The following PPFIA2 variants were observed in gnomAD, a reference collection of about 807,000 sequenced individuals.
PPFIA2 encodes the protein PPFI scaffold protein A2, also known as liprin-alpha-2.
PPFIA2 carries 46 observed loss-of-function variants against 175.5 expected under a neutral mutation model. The ratio of observed to expected loss-of-function variants is 0.26; its 90% CI spans 0.21 to 0.34. The LOEUF is 0.34. Among genes scored for constraint, PPFIA2 ranks in the 10% least tolerant of loss-of-function variants. PPFIA2 has a pLI of 1.00. For synonymous variants in PPFIA2, 568 were observed against 511.4 expected, an observed-to-expected ratio of 1.11 and a Z score of -1.49; for missense variants, 1,179 against 1,506.1, an observed-to-expected ratio of 0.78 and a Z score of 3.60.
Position 81,369,164 on chromosome 12 carries a change from G to T in PPFIA2, c.1297C>A (p.Arg433Ser), listed in dbSNP as rs780567907. Residue 433 changes from arginine to serine, a missense_variant, in exon 12 of 33, where the codon CGT becomes AGT. Arg to Ser is a moderately radical substitution (Grantham distance 110). Coordinates refer to ENST00000549396, the MANE Select transcript of PPFIA2 (RefSeq NM_003625.5). ...AEERHGNIEE[R>S]MRHLEGQLEE... ...AGTTGACCCTCTAAATGTCTCATACGTTCTTCAATATTTCCATGTCTCTCT... is the reference window on the plus strand; with the variant it reads ...AGTTGACCCTCTAAATGTCTCATACTTTCTTCAATATTTCCATGTCTCTCT... 1 of 1,608,666 alleles carries T rather than the reference G, an allele frequency of 6.2e-7. No individual in the cohort carries two copies. Among genetic ancestry groups the T allele is most frequent in the African/African-American group, 1.3e-5 (1 of 74,752 alleles).
At chr12:81,581,510 G>A (rs1386398225) in intron 4 of PPFIA2, among the ~76,000 whole-genome samples, 1 of 151,624 alleles carries the variant, frequency 6.6e-6, no homozygotes, top group African/African-American at 2.4e-5. Context: ...CATTTAAACT[G>A]CACACTCTAA....
At chr12:81,498,292 A>G (rs1007129291) in intron 4 of PPFIA2, among the ~76,000 whole-genome samples, 1 of 152,306 alleles carries the variant, frequency 6.6e-6, no homozygotes, top group South Asian at 2.1e-4. Context: ...CAGATTTTTC[A>G]ATTTCTACTA....
chr12:81,277,078 A>C (rs950148331), intron 28 of PPFIA2, among the ~76,000 whole-genome samples: 3 of 152,168 alleles, frequency 2.0e-5, no homozygotes, highest in Non-Finnish European at 2.9e-5. Flanking sequence ...GGTTCACATA[A>C]ATAAGTCTCA....
chr12:81,680,682 C>A (rs1161397294), intron 3 of PPFIA2, among the ~76,000 whole-genome samples: 1 of 151,820 alleles, frequency 6.6e-6, no homozygotes, highest in Non-Finnish European at 1.5e-5. Flanking sequence ...CACCTCACAC[C>A]TCCCTACACC....
At chr12:81,688,945 C>T (rs1289599603) in intron 3 of PPFIA2, among the ~76,000 whole-genome samples, 1 of 151,156 alleles carries the variant, frequency 6.6e-6, no homozygotes, top group African/African-American at 2.4e-5. Flanking sequence ...TCAAGGTAAT[C>T]ATAATAAGCT....
At chr12:81,319,883 T>C (rs1566118058) in intron 22 of PPFIA2, among the ~76,000 whole-genome samples, 1 of 151,910 alleles carries the variant, frequency 6.6e-6, no homozygotes, top group Non-Finnish European at 1.5e-5. Flanking sequence ...AATCCTTCTT[T>C]TTGCTTTATC....
At chr12:81,552,076 A>T (rs2068022540) in intron 4 of PPFIA2, among the ~76,000 whole-genome samples, 2 of 151,684 alleles carry the variant, frequency 1.3e-5, no homozygotes, top group Non-Finnish European at 2.9e-5. Flanking sequence ...TTAATAATTA[A>T]TTTAAAAACA....
At chr12:81,415,497 G>C (rs2045050355) in intron 7 of PPFIA2, among the ~76,000 whole-genome samples, 1 of 148,764 alleles carries the variant, frequency 6.7e-6, no homozygotes, top group Non-Finnish European at 1.5e-5. Flanking sequence ...CATAAATTTG[G>C]CTATTTCCAA....
chr12:81,738,372 C>T (rs1241955675), intron 3 of PPFIA2, among the ~76,000 whole-genome samples: 1 of 151,612 alleles, frequency 6.6e-6, no homozygotes, highest in Non-Finnish European at 1.5e-5. Context: ...GTTTATTTTT[C>T]AAGTAGAAGA....
chr12:81,387,521 G>A (rs1269961853), intron 8 of PPFIA2, among the ~76,000 whole-genome samples: 1 of 152,136 alleles, frequency 6.6e-6, no homozygotes, highest in African/African-American at 2.4e-5. Context: ...CAATGTGAGA[G>A]TGTGGAGAAA....
At chr12:81,491,412 T>C (rs2059405445) in intron 4 of PPFIA2, among the ~76,000 whole-genome samples, 2 of 151,952 alleles carry the variant, frequency 1.3e-5, no homozygotes, top group Admixed American at 6.6e-5. Flanking sequence ...AAATCCCTCA[T>C]GTTTAGAGGA....
At position 81,291,607 on chromosome 12, in the gene PPFIA2, G is replaced by A. The variant is rs554888276; in HGVS notation, c.2925+3228C>T. On this transcript the variant is annotated intron_variant, in intron 24 of 32. Coordinates refer to ENST00000549396, the MANE Select transcript of PPFIA2 (RefSeq NM_003625.5). ...ACTATTGCTAAGGCTTGGGGTTGATGGAAACCTGATGCTATCTTTATTTCG... is the reference window on the plus strand; with the variant it reads ...ACTATTGCTAAGGCTTGGGGTTGATAGAAACCTGATGCTATCTTTATTTCG... 2.2e-3 allele frequency among the ~76,000 whole-genome samples: 330 copies of A among 152,006 alleles called. 1 individual carries two copies. Among genetic ancestry groups the A allele is most frequent in the African/African-American group, 7.4e-3 (309 of 41,518 alleles).
chr12:81,738,946 A>C (rs2081990286), intron 3 of PPFIA2, among the ~76,000 whole-genome samples: 1 of 151,940 alleles, frequency 6.6e-6, no homozygotes, highest in East Asian at 1.9e-4. Context: ...TACTACTAGT[A>C]ATAAAATCAG....
At chr12:81,353,788 A>G (rs1181076640) in intron 16 of PPFIA2, among the ~76,000 whole-genome samples, 1 of 152,162 alleles carries the variant, frequency 6.6e-6, no homozygotes, top group Non-Finnish European at 1.5e-5. Context: ...TCTCTTCCCA[A>G]CATTTATTTA....
At chr12:81,660,785 T>G (rs968674956) in intron 4 of PPFIA2, among the ~76,000 whole-genome samples, 4 of 152,056 alleles carry the variant, frequency 2.6e-5, no homozygotes, top group East Asian at 1.9e-4. Context: ...AAATGTTAAG[T>G]GCAGCCAGAG....
intron 5 of PPFIA2, among the ~76,000 whole-genome samples, chr12:81,451,402 C>A (rs1230639699): frequency 1.3e-5 from 2 of 152,050 alleles, no homozygotes; most frequent in African/African-American, 4.8e-5. Flanking sequence ...TGGGAGTTAG[C>A]CTGACGGGGC....
intron 5 of PPFIA2, among the ~76,000 whole-genome samples, chr12:81,454,046 C>T (rs1249398877): frequency 1.3e-5 from 2 of 151,964 alleles, no homozygotes; most frequent in African/African-American, 2.4e-5. Flanking sequence ...GGCAAAACCC[C>T]ATCTCTACAA....
At chr12:81,455,696 A>T (rs1041467555) in intron 5 of PPFIA2, among the ~76,000 whole-genome samples, 10 of 152,168 alleles carry the variant, frequency 6.6e-5, no homozygotes, top group Non-Finnish European at 2.9e-5. Flanking sequence ...AATTCATCAC[A>T]ATTAGATACT....
chr12:81,752,415 T>C (rs2083941110), intron 3 of PPFIA2, among the ~76,000 whole-genome samples: 1 of 152,132 alleles, frequency 6.6e-6, no homozygotes, highest in African/African-American at 2.4e-5. Flanking sequence ...ACTAAAATAT[T>C]TTCCTTAAAA....
Sources: allele counts gnomAD v4.1 joint callset (sites outside exome capture counted in the v4.1 genomes callset), GRCh38; gene constraint gnomAD v4.1.1; transcripts MANE v1.5; gene names NCBI Gene and HGNC (gene_info 2026-07-23, HGNC 2026-07-21).